GLG1: variants seen among roughly 807,000 people sequenced by gnomAD.
The protein encoded by GLG1 is golgi glycoprotein 1.
Under a neutral mutation model 160.5 loss-of-function variants are expected in GLG1, and 38 were observed. The observed-to-expected ratio is 0.24, with a 90% CI of 0.18 to 0.31. The LOEUF is 0.31. Ranked by LOEUF, GLG1 falls within the 10% of genes least tolerant of loss-of-function variation. The pLI is 1.00. For synonymous variants in GLG1, 644 were observed against 543.4 expected (o/e 1.19, Z -2.57); for missense variants, 1,373 against 1,505.2 (o/e 0.91, Z 1.45).
intron 24 of GLG1, among the ~76,000 whole-genome samples, chr16:74,457,564 C>A (rs889772206): frequency 2.6e-5 from 4 of 152,150 alleles, no homozygotes; most frequent in African/African-American, 9.7e-5. Context: ...CTAGTTTCGG[C>A]ACCAGGAAAA....
intron 16 of GLG1, 175 bp from the exon 17 acceptor site, chr16:74,469,238 G>A (rs2015111638): frequency 1.7e-6 from 1 of 599,820 alleles, no homozygotes; most frequent in Admixed American, 2.9e-5. Flanking sequence ...ATTTGACTGT[G>A]GGTGTCATGA....
chr16:74,599,456 G>A (rs531329168), intron 1 of GLG1, among the ~76,000 whole-genome samples: 4 of 152,300 alleles, frequency 2.6e-5, no homozygotes, highest in African/African-American at 9.6e-5. Context: ...GGTGGCTCAC[G>A]CCTGTAATCC....
chr16:74,565,441 A>C (rs1475847816), intron 1 of GLG1, among the ~76,000 whole-genome samples: 1 of 152,234 alleles, frequency 6.6e-6, no homozygotes, highest in Non-Finnish European at 1.5e-5. Context: ...AAGATTTCTC[A>C]GTACATAGGG....
At chr16:74,560,390 C>A (rs181018570) in intron 1 of GLG1, among the ~76,000 whole-genome samples, 1 of 146,412 alleles carries the variant, frequency 6.8e-6, no homozygotes, top group South Asian at 2.1e-4. Flanking sequence ...TGCAATGGCA[C>A]GATCTCAGCT....
chr16:74,571,548 G>A (rs2018826846), intron 1 of GLG1, among the ~76,000 whole-genome samples: 1 of 151,946 alleles, frequency 6.6e-6, no homozygotes, highest in Non-Finnish European at 1.5e-5. Context: ...GCTACTTTCA[G>A]GAGACTGAGG....
intron 1 of GLG1, among the ~76,000 whole-genome samples, chr16:74,549,354 T>A (rs556694318): frequency 6.6e-6 from 1 of 152,058 alleles, no homozygotes; most frequent in African/African-American, 2.4e-5. Context: ...AGTGCAGTGA[T>A]GCAATCTCAG....
chr16:74,483,176 A>G lies in GLG1; in HGVS notation c.1572-52T>C, dbSNP rs745957140. 15 of 1,011,676 alleles carry G rather than the reference A, an allele frequency of 1.5e-5. No individual in the cohort carries two copies. In the Admixed American group the frequency reaches 2.5e-4, roughly 17 times the overall value. The allele number at this position is 1,011,676 out of a possible 1,614,324, so 62.7% of individuals were successfully genotyped here. The stretch of plus-strand genomic sequence containing the variant: ...ACAAGAGAGAAGTGTTCAGAACTCT[A>G]TGTCAATATAGTATTTCCCTGGTCT... On this transcript the variant is annotated intron_variant, in intron 9 of 25. Coordinates refer to ENST00000422840, the MANE Select transcript of GLG1 (RefSeq NM_001145667.2).
chr16:74,466,478 C>G (rs1019573), intron 18 of GLG1, among the ~76,000 whole-genome samples: 44,212 of 152,018 alleles, frequency 0.29, 6,613 homozygotes, highest in Middle Eastern at 0.39. Context: ...CTGGGGCTAT[C>G]GCAGGAAGCC....
rs992865986 is a variant in GLG1, at chr16:74,448,826, A to C, written c.*4341T>G. ...AATGCACTTTGGAAGGCCGAAGTGCACTTTGGCCGAAGTGGGCCACTTTGC... is the reference window on the plus strand; with the variant it reads ...AATGCACTTTGGAAGGCCGAAGTGCCCTTTGGCCGAAGTGGGCCACTTTGC... On this transcript the variant is annotated 3_prime_UTR_variant, in exon 26 of 26. Transcript: ENST00000422840. 1 of 150,912 alleles carries C rather than the reference A, an allele frequency of 6.6e-6. No individual in the cohort carries two copies. The highest frequency in any genetic ancestry group is 6.6e-5 in the Admixed American group (1 of 15,138). 9.3% of individuals were successfully genotyped at this position (150,912 alleles called of 1,614,324 possible). A position where few individuals can be genotyped will look rare whatever the true frequency, so the allele number is the denominator to read the frequency against.
chr16:74,477,248 A>G, intron 12 of GLG1, 148 bp downstream of exon 12: 1 of 699,058 alleles, frequency 1.4e-6, no homozygotes, highest in Non-Finnish European at 2.4e-6. Flanking sequence ...TTTCCTGAGA[A>G]TTTCTTCCAG....
Position 74,447,950 on chromosome 16 carries a change from A to T in GLG1, c.*5217T>A, listed in dbSNP as rs1335651861. On this transcript the variant is annotated 3_prime_UTR_variant, in exon 26 of 26. Transcript: ENST00000422840. ...CTGAACTTTCCCCTGGCCCAGGGAGATTTCTCCACTGCACACAGCACAGTG... is the reference window on the plus strand; with the variant it reads ...CTGAACTTTCCCCTGGCCCAGGGAGTTTTCTCCACTGCACACAGCACAGTG... The T allele has an allele frequency of 6.6e-6, 1 of 152,340 alleles. No individual in the cohort carries two copies. The highest frequency in any genetic ancestry group is 2.4e-5 in the African/African-American group (1 of 41,458). The allele number at this position is 152,340 out of a possible 1,614,324, so 9.4% of individuals were successfully genotyped here. A position where few individuals can be genotyped will look rare whatever the true frequency, so the allele number is the denominator to read the frequency against.
At chr16:74,562,269 C>A (rs1013837550) in intron 1 of GLG1, among the ~76,000 whole-genome samples, 1 of 152,206 alleles carries the variant, frequency 6.6e-6, no homozygotes, top group African/African-American at 2.4e-5. Flanking sequence ...AAAGGTATTG[C>A]AGATTGATGA....
chr16:74,523,990 A>G (rs2017254935), intron 2 of GLG1, among the ~76,000 whole-genome samples: 1 of 152,184 alleles, frequency 6.6e-6, no homozygotes, highest in African/African-American at 2.4e-5. Context: ...AGGTGGGCAC[A>G]TCACCTGAGG....
chr16:74,504,930 AT>A (rs1486370082), intron 3 of GLG1, among the ~76,000 whole-genome samples: 2 of 152,254 alleles, frequency 1.3e-5, no homozygotes, highest in African/African-American at 4.8e-5. Flanking sequence ...ATAAGCTTAA[AT>A]TATAAAACAG....
At chr16:74,527,736 A>AT (rs1012571388) in intron 2 of GLG1, among the ~76,000 whole-genome samples, 14 of 151,138 alleles carry the variant, frequency 9.3e-5, no homozygotes, top group Admixed American at 7.3e-4. Flanking sequence ...CACCTATTTT[A>AT]TTTTTTTTGA....
intron 25 of GLG1, among the ~76,000 whole-genome samples, chr16:74,454,162 T>G (rs1205727494): frequency 6.6e-6 from 1 of 151,694 alleles, no homozygotes; most frequent in Non-Finnish European, 1.5e-5. Flanking sequence ...CATGAGCCAC[T>G]GCGCCCGGCC....
rs1200478869 is a variant in GLG1 at position 74,470,338 on chromosome 16, C to CTTCCCTCCTTCCTTCT, written c.2230-266_2230-265insAGAAGGAAGGAGGGAA. ...CCTCCTTCCTTCCTTTCCTTCTTTC[C>CTTCCCTCCTTCCTTCT]TTCCCTCCTTCCTTCCTTCCCTCCT... On this transcript the variant is annotated intron_variant, in intron 15 of 25. Coordinates refer to ENST00000422840, the MANE Select transcript of GLG1 (RefSeq NM_001145667.2). 2.6e-3 allele frequency among the ~76,000 whole-genome samples: 372 copies of CTTCCCTCCTTCCTTCT among 141,146 alleles called. 2 individuals are homozygous for CTTCCCTCCTTCCTTCT. The highest frequency in any genetic ancestry group is 0.016 in the Middle Eastern group (4 of 254). The allele number at this position is 141,146 out of a possible 152,430, so 92.6% of individuals were successfully genotyped here. A position where few individuals can be genotyped will look rare whatever the true frequency, so the allele number is the denominator to read the frequency against.
chr16:74,552,632 G>T lies in GLG1; in HGVS notation c.439-20479C>A, dbSNP rs1028569828. Reference sequence around the variant, plus strand: ...AAGGGGAAGCCAAAAGACACCCACAGACAGAGTGCTGTGTCCCCTGGTCCG... The same window carrying T: ...AAGGGGAAGCCAAAAGACACCCACATACAGAGTGCTGTGTCCCCTGGTCCG... On this transcript the variant is annotated intron_variant, in intron 1 of 25. Coordinates refer to ENST00000422840, the MANE Select transcript of GLG1 (RefSeq NM_001145667.2). The T allele has an allele frequency of 1.5e-5, 3 of 197,786 alleles. No homozygotes were observed. The East Asian group carries it at 4.6e-4, about 30-fold the overall frequency. 12.3% of individuals were successfully genotyped at this position (197,786 alleles called of 1,614,324 possible).
At chr16:74,477,588 A>C in intron 11 of GLG1, 55 bp from the exon 12 acceptor site, 1 of 1,387,738 alleles carries the variant, frequency 7.2e-7, no homozygotes, top group Non-Finnish European at 1.0e-6. Context: ...AAAAACACAA[A>C]GATATGAGAT....
Sources: allele counts gnomAD v4.1 joint callset (sites outside exome capture counted in the v4.1 genomes callset), GRCh38; gene constraint gnomAD v4.1.1; transcripts MANE v1.5; gene names NCBI Gene and HGNC (gene_info 2026-07-23, HGNC 2026-07-21).